Variants in SEMA3E observed in about 807,000 individuals in gnomAD.
SEMA3E encodes semaphorin-3E.
SEMA3E carries 49 observed loss-of-function variants against 93.6 expected under a neutral mutation model. The ratio of observed to expected loss-of-function variants is 0.52; its 90% CI spans 0.42 to 0.66. SEMA3E has a LOEUF of 0.66. SEMA3E is among the 30% of genes least tolerant of loss of function. The pLI, the probability that SEMA3E is intolerant of heterozygous loss-of-function variation, is 0.00. For missense variants in SEMA3E, 906 were observed against 964.8 expected, an observed-to-expected ratio of 0.94 and a Z score of 0.81; for synonymous variants, 363 against 330.7, an observed-to-expected ratio of 1.10 and a Z score of -1.06.
rs186229402 is a variant in SEMA3E, at chr7:83,482,317, G to A, written c.276+7797C>T. On this transcript the variant is annotated intron_variant, in intron 2 of 16. Transcript: ENST00000643230. ...CGCAGTGGCCCACGTCTGTAATCCCGGCACTTTGGGAGGCCGAGGCGGGTG... is the reference window on the plus strand; with the variant it reads ...CGCAGTGGCCCACGTCTGTAATCCCAGCACTTTGGGAGGCCGAGGCGGGTG... Among the ~76,000 whole-genome samples, 1,053 of 152,048 alleles carry A rather than the reference G, an allele frequency of 6.9e-3. 9 individuals carry two copies. Among genetic ancestry groups the A allele is most frequent in the Non-Finnish European group, 0.011 (744 of 67,962 alleles).
chr7:83,622,628 C>T (rs1363475845), intron 1 of SEMA3E, among the ~76,000 whole-genome samples: 4 of 152,180 alleles, frequency 2.6e-5, no homozygotes, highest in African/African-American at 9.7e-5. Flanking sequence ...GGTACATATA[C>T]ACCATGGAAT....
intron 1 of SEMA3E, among the ~76,000 whole-genome samples, chr7:83,589,745 T>C (rs2115940504): frequency 6.6e-6 from 1 of 152,322 alleles, no homozygotes; most frequent in South Asian, 2.1e-4. Flanking sequence ...TTTTACACTC[T>C]ATGGCACATC....
chr7:83,533,650 T>C (rs1268689039), intron 1 of SEMA3E, among the ~76,000 whole-genome samples: 1 of 152,104 alleles, frequency 6.6e-6, no homozygotes, highest in Non-Finnish European at 1.5e-5. Flanking sequence ...CAGAATTAAA[T>C]GCCACAGAAG....
At chr7:83,368,845 G>C (rs985538954) in intron 16 of SEMA3E, among the ~76,000 whole-genome samples, 1 of 152,164 alleles carries the variant, frequency 6.6e-6, no homozygotes, top group African/African-American at 2.4e-5. Context: ...CAAATAGCTG[G>C]ACTAGTAAGT....
chr7:83,639,809 A>G (rs923722853), intron 1 of SEMA3E, among the ~76,000 whole-genome samples: 1 of 151,720 alleles, frequency 6.6e-6, no homozygotes, highest in African/African-American at 2.4e-5. Flanking sequence ...TTGTAAGTCT[A>G]TACCCTTTCC....
intron 1 of SEMA3E, among the ~76,000 whole-genome samples, chr7:83,491,253 C>G (rs1367312513): frequency 1.3e-5 from 2 of 152,018 alleles, no homozygotes; most frequent in African/African-American, 4.8e-5. Flanking sequence ...GAAAGAAGAG[C>G]TGAAGTATAT....
At chr7:83,508,229 C>A (rs1300887100) in intron 1 of SEMA3E, among the ~76,000 whole-genome samples, 1 of 151,044 alleles carries the variant, frequency 6.6e-6, no homozygotes, top group Non-Finnish European at 1.5e-5. Context: ...AAAATATTAA[C>A]TAAATGATTG....
At chr7:83,527,778 A>AATT (rs35059958) in intron 1 of SEMA3E, among the ~76,000 whole-genome samples, 22 of 140,014 alleles carry the variant, frequency 1.6e-4, no homozygotes, top group East Asian at 9.8e-4. Flanking sequence ...AATTTTTGTG[A>AATT]TTTTTTTTTT....
At chr7:83,494,355 T>A in intron 1 of SEMA3E, among the ~76,000 whole-genome samples, 1 of 151,894 alleles carries the variant, frequency 6.6e-6, no homozygotes, top group South Asian at 2.1e-4. Context: ...AAATTTCTTC[T>A]AAGGTTTTAA....
chr7:83,537,506 A>T (rs1012599046), intron 1 of SEMA3E, among the ~76,000 whole-genome samples: 1 of 152,124 alleles, frequency 6.6e-6, no homozygotes, highest in African/African-American at 2.4e-5. Context: ...GAAATCAGGC[A>T]TGCTTTTATA....
chr7:83,522,785 A>G (rs1232163209), intron 1 of SEMA3E, among the ~76,000 whole-genome samples: 1 of 152,070 alleles, frequency 6.6e-6, no homozygotes, highest in Non-Finnish European at 1.5e-5. Flanking sequence ...TCCTACCTCA[A>G]TGCCTTCTGT....
rs140205746 is a variant in SEMA3E at position 83,405,987 on chromosome 7, C to A, written c.886G>T (p.Val296Leu). The A allele has an allele frequency of 1.9e-6, 3 of 1,613,076 alleles. No individual in the cohort carries two copies. Among genetic ancestry groups the A allele is most frequent in the Admixed American group, 1.7e-5 (1 of 59,938 alleles). The change falls in exon 8 of 17, where the codon GTA becomes TTA. Residue 296 changes from valine to leucine, a missense_variant. Coordinates refer to ENST00000643230, the MANE Select transcript of SEMA3E (RefSeq NM_012431.3). Reference protein sequence around the residue: ...TFLKARLVCSVPGMNGIDTYF... With the variant: ...TFLKARLVCSLPGMNGIDTYF... ...GTGTCAATTCCATTCATTCCTGGTA[C>A]TGAGCAAACGAGTCTCGCTTTTAGG...
chr7:83,525,148 T>C (rs1310677036), intron 1 of SEMA3E, among the ~76,000 whole-genome samples: 1 of 152,134 alleles, frequency 6.6e-6, no homozygotes, highest in South Asian at 2.1e-4. Context: ...CAGAATTCTA[T>C]ATTGGAAAAC....
chr7:83,378,023 G>A (rs1329769059), intron 16 of SEMA3E, among the ~76,000 whole-genome samples: 1 of 151,654 alleles, frequency 6.6e-6, no homozygotes, highest in Non-Finnish European at 1.5e-5. Context: ...CATAAACCAG[G>A]GTATAGTGGT....
chr7:83,607,652 T>C (rs1793154587), intron 1 of SEMA3E, among the ~76,000 whole-genome samples: 1 of 152,158 alleles, frequency 6.6e-6, no homozygotes, highest in South Asian at 2.1e-4. Flanking sequence ...AAAGGATCAA[T>C]AGGAGCTTCC....
chr7:83,638,511 T>C (rs1343525387), intron 1 of SEMA3E, among the ~76,000 whole-genome samples: 1 of 152,216 alleles, frequency 6.6e-6, no homozygotes, highest in Admixed American at 6.5e-5. Context: ...CCATCAATAA[T>C]CTTTAAAAAT....
chr7:83,436,963 G>A (rs576777140), intron 4 of SEMA3E, among the ~76,000 whole-genome samples: 2 of 152,120 alleles, frequency 1.3e-5, no homozygotes, highest in Admixed American at 1.3e-4. Context: ...AGCAAGTTAT[G>A]TCTTACATGG....
rs1346373299 is a variant in SEMA3E at position 83,396,659 on chromosome 7, T to C, written c.1437A>G (p.Leu479=). ...ATACCTTGAATATCTGAAGTTCTTC[T>C]AGAATTACTTCTTCCATTGATTCCA... ...QEMESMEEVI[L]EELQIFKDPV... is the part of the protein sequence containing the mutation. Residue 479 remains leucine, a synonymous_variant, in exon 12 of 17, where the codon CTA becomes CTG. Transcript: ENST00000643230. 1.9e-6 allele frequency: 3 copies of C among 1,605,918 alleles called. No individual in the cohort carries two copies. Among genetic ancestry groups the C allele is most frequent in the African/African-American group, 1.3e-5 (1 of 74,778 alleles).
At chr7:83,575,781 T>C (rs1028421158) in intron 1 of SEMA3E, among the ~76,000 whole-genome samples, 10 of 152,196 alleles carry the variant, frequency 6.6e-5, no homozygotes, top group African/African-American at 1.9e-4. Flanking sequence ...AACATTTTTA[T>C]TGTGTTTATA....
Sources: allele counts gnomAD v4.1 joint callset (sites outside exome capture counted in the v4.1 genomes callset), GRCh38; gene constraint gnomAD v4.1.1; transcripts MANE v1.5; gene names NCBI Gene and HGNC (gene_info 2026-07-23, HGNC 2026-07-21).